ARSB: variants seen among roughly 807,000 people sequenced by gnomAD.
ARSB encodes the protein arylsulfatase B.
A neutral mutation model predicts 50.9 loss-of-function variants in ARSB; 41 were observed. That is an observed-to-expected ratio of 0.81 (90% confidence interval 0.63 to 1.04). ARSB has a LOEUF of 1.04. ARSB is among the 50% of genes least tolerant of loss of function. The pLI, the probability that ARSB is intolerant of heterozygous loss-of-function variation, is 0.00. For synonymous variants in ARSB, 269 were observed against 284.8 expected, an observed-to-expected ratio of 0.94 and a Z score of 0.56; for missense variants, 672 against 693.3, an observed-to-expected ratio of 0.97 and a Z score of 0.35.
intron 4 of ARSB, among the ~76,000 whole-genome samples, chr5:78,946,371 A>G (rs905509528): frequency 5.9e-5 from 9 of 152,260 alleles, no homozygotes; most frequent in Non-Finnish European, 1.0e-4. Context: ...AAAAACTATT[A>G]GGACTGATAA....
intron 4 of ARSB, among the ~76,000 whole-genome samples, chr5:78,930,659 A>G (rs1750282091): frequency 6.6e-6 from 1 of 151,604 alleles, no homozygotes; most frequent in Non-Finnish European, 1.5e-5. Flanking sequence ...AAGGTTAAGG[A>G]TTGTTCTGTA....
intron 4 of ARSB, among the ~76,000 whole-genome samples, chr5:78,949,002 A>G (rs1751376761): frequency 6.6e-6 from 1 of 152,188 alleles, no homozygotes. Context: ...ATTACATGAA[A>G]TTAGCCATTT....
Position 78,807,678 on chromosome 5 carries a change from C to T in ARSB, c.1214-25704G>A, listed in dbSNP as rs377308773. ...AGGGTAGATAGAACAACAATTTGGA[C>T]CCTCTTCTCTAACTAGGAGATCCTC... is the stretch of plus-strand genomic sequence containing the variant. On this transcript the variant is annotated intron_variant, in intron 6 of 7. Coordinates refer to ENST00000264914, the MANE Select transcript of ARSB (RefSeq NM_000046.5). Among the ~76,000 whole-genome samples the T allele has an allele frequency of 2.6e-5, 4 of 152,142 alleles. No individual in the cohort carries two copies. The East Asian group carries it at 5.8e-4, about 22-fold the overall frequency.
intron 6 of ARSB, among the ~76,000 whole-genome samples, chr5:78,808,315 AC>A (rs1241111363): frequency 6.6e-6 from 1 of 151,942 alleles, no homozygotes; most frequent in Non-Finnish European, 1.5e-5. Context: ...TCCCTAAAAG[AC>A]AAGGATCCTT....
intron 4 of ARSB, among the ~76,000 whole-genome samples, chr5:78,886,834 T>C (rs1297679579): frequency 1.3e-5 from 2 of 152,138 alleles, no homozygotes; most frequent in East Asian, 1.9e-4. Flanking sequence ...ACCTGCTGTA[T>C]AGAATGTTAC....
At chr5:78,859,976 T>C (rs1167841984) in intron 5 of ARSB, among the ~76,000 whole-genome samples, 2 of 152,082 alleles carry the variant, frequency 1.3e-5, no homozygotes, top group African/African-American at 4.8e-5. Flanking sequence ...GTTGGGAAAT[T>C]AGGGAATCAA....
chr5:78,853,575 T>C (rs1351568452), intron 5 of ARSB, among the ~76,000 whole-genome samples: 1 of 152,224 alleles, frequency 6.6e-6, no homozygotes, highest in African/African-American at 2.4e-5. Context: ...GGAGAACCAC[T>C]GCTCTCTTCA....
intron 4 of ARSB, among the ~76,000 whole-genome samples, chr5:78,931,476 T>C (rs1333689219): frequency 6.6e-6 from 1 of 152,092 alleles, no homozygotes; most frequent in Non-Finnish European, 1.5e-5. Flanking sequence ...ATTCCTCACT[T>C]AGTGCCCCCA....
chr5:78,830,722 G>A (rs1049100573), intron 6 of ARSB, among the ~76,000 whole-genome samples: 4 of 152,234 alleles, frequency 2.6e-5, no homozygotes, highest in Non-Finnish European at 5.9e-5. Flanking sequence ...CCAAAGCGGA[G>A]GGGGCAGACT....
intron 5 of ARSB, among the ~76,000 whole-genome samples, chr5:78,855,175 C>G (rs1016325471): frequency 6.6e-6 from 1 of 152,214 alleles, no homozygotes; most frequent in African/African-American, 2.4e-5. Context: ...CAGCACAGCC[C>G]TGGGATTTGC....
At position 78,966,594 on chromosome 5, in the gene ARSB, G is replaced by A. The variant is rs150819443; in HGVS notation, c.500-1988C>T. On this transcript the variant is annotated intron_variant, in intron 2 of 7. Transcript: ENST00000264914. Reference sequence around the variant, plus strand: ...TGTGGTCATCATAACCTTCTTGGCTGCAAGTCTCCCTTCAAATGAATTTGG... The same window carrying A: ...TGTGGTCATCATAACCTTCTTGGCTACAAGTCTCCCTTCAAATGAATTTGG... Among the ~76,000 whole-genome samples the A allele has an allele frequency of 4.7e-4, 72 of 152,300 alleles. 2 individuals carry two copies. In the East Asian group the frequency reaches 0.013, roughly 28 times the overall value.
intron 6 of ARSB, among the ~76,000 whole-genome samples, chr5:78,800,029 A>C (rs1345018145): frequency 6.6e-6 from 1 of 152,194 alleles, no homozygotes; most frequent in Admixed American, 6.5e-5. Flanking sequence ...AAGAGAAGCA[A>C]AGTAGCGGCC....
chr5:78,842,217 C>T (rs1275160119), intron 5 of ARSB, among the ~76,000 whole-genome samples: 1 of 152,044 alleles, frequency 6.6e-6, no homozygotes, highest in Admixed American at 6.6e-5. Context: ...GTTCAAGTCA[C>T]CTGGAGAAGA....
In ARSB at chr5:78,834,607, GTATATATATATATATATATA is replaced by G. The variant is rs58773415; in HGVS notation, c.1213+4729_1213+4748del. 6.0e-3 allele frequency among the ~76,000 whole-genome samples: 517 copies of G among 85,646 alleles called. 11 individuals are homozygous for G. The highest frequency in any genetic ancestry group is 0.016 in the African/African-American group (396 of 25,214). The allele number at this position is 85,646 out of a possible 152,430, so 56.2% of individuals were successfully genotyped here. A position where few individuals can be genotyped will look rare whatever the true frequency, so the allele number is the denominator to read the frequency against. ...ATACTATTTCATGGTATATATATGT[GTATATATATATATATATATA>G]TATATATATATATATATATGCCACA... On this transcript the variant is annotated intron_variant, in intron 6 of 7. Transcript: ENST00000264914.
chr5:78,816,194 C>T, intron 6 of ARSB: 1 of 1,612,518 alleles, frequency 6.2e-7, no homozygotes, highest in East Asian at 2.2e-5. Flanking sequence ...CATTTCTAGT[C>T]CAGGAGATTT....
At chr5:78,842,329 C>T (rs140582437) in intron 5 of ARSB, among the ~76,000 whole-genome samples, 2 of 152,084 alleles carry the variant, frequency 1.3e-5, no homozygotes, top group Non-Finnish European at 2.9e-5. Context: ...ATAATTTTGC[C>T]TAGGAGATAT....
upstream of ARSB, chr5:78,985,475 C>T (rs1753148012): frequency 6.4e-6 from 2 of 310,460 alleles, no homozygotes; most frequent in Non-Finnish European, 1.2e-5. Flanking sequence ...CGCCCGCTGC[C>T]CGGCTTCTTG....
At chr5:78,888,372 G>A (rs1019574861) in intron 4 of ARSB, among the ~76,000 whole-genome samples, 72 of 152,246 alleles carry the variant, frequency 4.7e-4, no homozygotes, top group Admixed American at 4.5e-3. Flanking sequence ...CCAATGTATC[G>A]AAACTTAGAA....
intron 6 of ARSB, among the ~76,000 whole-genome samples, chr5:78,784,404 G>A (rs1406420773): frequency 6.6e-6 from 1 of 152,158 alleles, no homozygotes; most frequent in Non-Finnish European, 1.5e-5. Flanking sequence ...TAATAGTCAA[G>A]ATATGGAATC....
Sources: allele counts gnomAD v4.1 joint callset (sites outside exome capture counted in the v4.1 genomes callset), GRCh38; gene constraint gnomAD v4.1.1; transcripts MANE v1.5; gene names NCBI Gene and HGNC (gene_info 2026-07-23, HGNC 2026-07-21).